The following SAMSN1 variants were observed in gnomAD, a reference collection of about 807,000 sequenced individuals.
SAMSN1 encodes the protein SAM domain-containing protein SAMSN-1.
A neutral mutation model predicts 42.0 loss-of-function variants in SAMSN1; 31 were observed. That is an observed-to-expected ratio of 0.74 (90% CI 0.55 to 1.00). SAMSN1 has a LOEUF of 1.00. Among genes scored for constraint, SAMSN1 ranks in the 50% least tolerant of loss-of-function variants. The probability of loss-of-function intolerance (pLI) is 0.00; values close to 1 mark genes in which losing one functional copy is unlikely to be tolerated. For synonymous variants in SAMSN1, 178 were observed against 151.9 expected, an observed-to-expected ratio of 1.17 and a Z score of -1.26; for missense variants, 464 against 439.4, an observed-to-expected ratio of 1.06 and a Z score of -0.50.
chr21:14,622,750 A>C (rs1279262816), intron 2 of SAMSN1, among the ~76,000 whole-genome samples: 1 of 152,186 alleles, frequency 6.6e-6, no homozygotes, highest in African/African-American at 2.4e-5. Context: ...CCAACATTCA[A>C]ATTCAGGAAA....
At chr21:14,599,944 TC>T (rs1252864913) in intron 6 of SAMSN1, among the ~76,000 whole-genome samples, 4 of 152,178 alleles carry the variant, frequency 2.6e-5, no homozygotes, top group African/African-American at 9.7e-5. Flanking sequence ...TCTCTTGAAT[TC>T]AAGAGTTTCA....
chr21:14,533,038 G>A (rs1157636061), intron 1 of SAMSN1, among the ~76,000 whole-genome samples: 1 of 151,948 alleles, frequency 6.6e-6, no homozygotes, highest in Non-Finnish European at 1.5e-5. Flanking sequence ...TCAGCTTCTT[G>A]AGTAGCTGGG....
intron 2 of SAMSN1, among the ~76,000 whole-genome samples, chr21:14,616,843 G>A (rs1264952501): frequency 6.6e-6 from 1 of 152,142 alleles, no homozygotes; most frequent in Non-Finnish European, 1.5e-5. Flanking sequence ...AAGGAAAGGT[G>A]AATGGAAACC....
chr21:14,644,283 G>A (rs564555641), intron 1 of SAMSN1, among the ~76,000 whole-genome samples: 8 of 151,936 alleles, frequency 5.3e-5, no homozygotes, highest in African/African-American at 9.7e-5. Flanking sequence ...CTTGAGGAGA[G>A]ACGGAAGTGT....
intron 6 of SAMSN1, among the ~76,000 whole-genome samples, chr21:14,598,999 C>T (rs1007153994): frequency 1.1e-4 from 17 of 152,178 alleles, no homozygotes; most frequent in African/African-American, 3.4e-4. Context: ...TTCACTTTTT[C>T]CATGAGGCTG....
intron 7 of SAMSN1, chr21:14,496,519 T>C (rs9981116): frequency 4.9e-4 from 74 of 152,358 alleles, no homozygotes; most frequent in African/African-American, 1.8e-3. Context: ...ACATTGTCCA[T>C]AATAAAACTC....
At chr21:14,581,589 G>T (rs906716250) in intron 2 of SAMSN1, among the ~76,000 whole-genome samples, 1 of 151,380 alleles carries the variant, frequency 6.6e-6, no homozygotes, top group East Asian at 1.9e-4. Flanking sequence ...TCGATCTCCT[G>T]ACCTCATGAT....
chr21:14,597,743 G>A (rs778757896), intron 6 of SAMSN1, among the ~76,000 whole-genome samples: 2 of 152,132 alleles, frequency 1.3e-5, no homozygotes, highest in Non-Finnish European at 2.9e-5. Context: ...TCTCAAGGAT[G>A]TCCTCAGTGA....
chr21:14,613,093 A>T (rs918488784), intron 3 of SAMSN1, among the ~76,000 whole-genome samples: 1 of 152,214 alleles, frequency 6.6e-6, no homozygotes, highest in African/African-American at 2.4e-5. Context: ...AAATACAAGT[A>T]CAATTTGGGT....
At chr21:14,548,257 T>G (rs749645252), upstream of SAMSN1, among the ~76,000 whole-genome samples, 1 of 152,162 alleles carries the variant, frequency 6.6e-6, no homozygotes. Flanking sequence ...GATAGTAAAA[T>G]GAAATACCAA....
intron 2 of SAMSN1, among the ~76,000 whole-genome samples, chr21:14,579,021 A>G (rs1981607798): frequency 6.6e-6 from 1 of 152,150 alleles, no homozygotes; most frequent in South Asian, 2.1e-4. Context: ...TGCAATTACT[A>G]TTGAAAAAAA....
upstream of SAMSN1, among the ~76,000 whole-genome samples, chr21:14,588,137 A>G (rs1401031180): frequency 1.5e-5 from 2 of 136,978 alleles, no homozygotes; most frequent in Non-Finnish European, 3.1e-5. Context: ...TTCTTAATCC[A>G]GTCTATCATT....
intron 5 of SAMSN1, among the ~76,000 whole-genome samples, chr21:14,503,888 C>T (rs539770287): frequency 2.6e-5 from 4 of 152,228 alleles, no homozygotes; most frequent in South Asian, 4.1e-4. Flanking sequence ...ACCGTGCTGG[C>T]ATCCACAGCT....
intron 2 of SAMSN1, among the ~76,000 whole-genome samples, chr21:14,518,148 G>T (rs1418114744): frequency 6.6e-6 from 1 of 152,180 alleles, no homozygotes; most frequent in Non-Finnish European, 1.5e-5. Flanking sequence ...TCTTCCTTCA[G>T]TCGTCCAGGT....
intron 6 of SAMSN1, among the ~76,000 whole-genome samples, chr21:14,596,242 C>G (rs778753596): frequency 6.0e-5 from 9 of 150,300 alleles, no homozygotes; most frequent in Non-Finnish European, 1.3e-4. Context: ...TCTTTAATAC[C>G]AACAAAAGCC....
chr21:14,504,664 G>A lies in SAMSN1; in HGVS notation c.562-3929C>T, dbSNP rs530504014. Among the ~76,000 whole-genome samples, 25 of 152,324 alleles carry A rather than the reference G, an allele frequency of 1.6e-4. No homozygotes were observed. The East Asian group carries it at 1.7e-3, about 11-fold the overall frequency. ...CCTGAGGAAGAAGAGAAATCTAAAA[G>A]TTGGGAAAACGTATTTGGAGGAATA... On this transcript the variant is annotated intron_variant, in intron 5 of 7. Transcript: ENST00000400566.
intron 1 of SAMSN1, among the ~76,000 whole-genome samples, chr21:14,653,410 C>A (rs558836706): frequency 1.3e-5 from 2 of 151,902 alleles, no homozygotes; most frequent in Non-Finnish European, 2.9e-5. Context: ...AGACAAACAT[C>A]GCATGTTCTC....
chr21:14,595,696 GT>G (rs1462078260), intron 6 of SAMSN1, among the ~76,000 whole-genome samples: 1 of 152,164 alleles, frequency 6.6e-6, no homozygotes, highest in Non-Finnish European at 1.5e-5. Context: ...AAAGTCCAGT[GT>G]TTTTACTCAT....
exon 1 of SAMSN1, chr21:14,658,756 T>A (rs1478065722): frequency 1.4e-6 from 1 of 715,602 alleles, no homozygotes; most frequent in Non-Finnish European, 2.6e-6. Flanking sequence ...ACCAGCGAAA[T>A]GCAGAAAAGA....
Sources: gnomAD v4.1 joint callset for allele counts (sites outside exome capture counted in the v4.1 genomes callset) on GRCh38, gnomAD v4.1.1 for gene constraint, MANE v1.5 for transcripts, NCBI Gene and HGNC (gene_info 2026-07-23, HGNC 2026-07-21) for gene names.